Variants in SUGCT observed in about 807,000 individuals in gnomAD.
SUGCT encodes the protein succinyl-CoA:glutarate-CoA transferase.
Under a neutral mutation model 55.0 loss-of-function variants are expected in SUGCT, and 41 were observed. The observed-to-expected ratio is 0.74, with a 90% CI of 0.58 to 0.97. The LOEUF is 0.97. Ranked by LOEUF, SUGCT falls within the 50% of genes least tolerant of loss-of-function variation. The pLI, the probability that SUGCT is intolerant of heterozygous loss-of-function variation, is 0.00. For missense variants in SUGCT, 568 were observed against 547.8 expected (o/e 1.04, Z -0.37); for synonymous variants, 187 against 200.4 (o/e 0.93, Z 0.56).
chr7:40,633,411 A>G (rs1799882939), intron 12 of SUGCT, among the ~76,000 whole-genome samples: 2 of 152,218 alleles, frequency 1.3e-5, no homozygotes, highest in Non-Finnish European at 2.9e-5. Flanking sequence ...ATGGGCTTAC[A>G]CTGAAATGGG....
intron 8 of SUGCT, among the ~76,000 whole-genome samples, chr7:40,304,893 G>A (rs549957700): frequency 5.6e-4 from 85 of 152,138 alleles, no homozygotes; most frequent in African/African-American, 2.0e-3. Context: ...ACAAAATCCA[G>A]CATCCCTTTA....
intron 12 of SUGCT, among the ~76,000 whole-genome samples, chr7:40,611,201 T>C (rs1400202562): frequency 6.6e-6 from 1 of 152,228 alleles, no homozygotes. Context: ...ATATTTCATT[T>C]TCCAACACTG....
chr7:40,267,037 C>CAAA (rs71750843), intron 7 of SUGCT, among the ~76,000 whole-genome samples: 3 of 86,740 alleles, frequency 3.5e-5, no homozygotes, highest in African/African-American at 8.8e-5. Context: ...AACAAACAAA[C>CAAA]AAAAAAAAAA....
chr7:40,227,043 CTTTTTT>C (rs35073564), intron 6 of SUGCT, among the ~76,000 whole-genome samples: 1 of 96,226 alleles, frequency 1.0e-5, no homozygotes, highest in Admixed American at 1.5e-4. Context: ...TTTAATAGAT[CTTTTTT>C]TTTTTTTTTT....
chr7:40,925,915 GA>G, the SUGCT span, among the ~76,000 whole-genome samples: 3 of 151,988 alleles, frequency 2.0e-5, no homozygotes, highest in African/African-American at 7.3e-5. Context: ...GCAACATGGC[GA>G]AACTCCATCT....
At chr7:40,603,155 T>C (rs1379194034) in intron 12 of SUGCT, among the ~76,000 whole-genome samples, 1 of 152,224 alleles carries the variant, frequency 6.6e-6, no homozygotes, top group Non-Finnish European at 1.5e-5. Flanking sequence ...TTCAAAGAAA[T>C]GCAACCTGAG....
At chr7:40,800,349 C>T (rs564938634) in intron 13 of SUGCT, among the ~76,000 whole-genome samples, 240 of 149,238 alleles carry the variant, frequency 1.6e-3, no homozygotes, top group Middle Eastern at 6.9e-3. Flanking sequence ...AGTGCAATGG[C>T]GCAATCTCAG....
intron 7 of SUGCT, among the ~76,000 whole-genome samples, chr7:40,265,513 G>A (rs6462968): frequency 0.33 from 49,280 of 151,110 alleles, 11,001 homozygotes; most frequent in African/African-American, 0.64. Flanking sequence ...TTCTTTCCCT[G>A]TTTCATTTGG....
At chr7:40,955,539 A>T in the SUGCT span, among the ~76,000 whole-genome samples, 2 of 152,186 alleles carry the variant, frequency 1.3e-5, no homozygotes, top group African/African-American at 2.4e-5. Flanking sequence ...TTGGGCTGAG[A>T]TGATGGGGTT....
chr7:40,843,969 C>G (rs928619899), intron 13 of SUGCT, among the ~76,000 whole-genome samples: 2 of 152,064 alleles, frequency 1.3e-5, no homozygotes, highest in Admixed American at 6.5e-5. Context: ...CTCATTTACT[C>G]GGCCCGCAGC....
the SUGCT span, among the ~76,000 whole-genome samples, chr7:40,982,821 G>A: frequency 1.3e-5 from 2 of 152,066 alleles, no homozygotes; most frequent in South Asian, 2.1e-4. Flanking sequence ...CTAATTTTTT[G>A]TATTTTTAGT....
intron 12 of SUGCT, among the ~76,000 whole-genome samples, chr7:40,735,552 G>T (rs768286361): frequency 6.6e-6 from 1 of 152,102 alleles, no homozygotes; most frequent in Non-Finnish European, 1.5e-5. Context: ...ATACTCTTTA[G>T]CTTAGAACCT....
At chr7:40,853,346 C>T (rs1000395660) in intron 13 of SUGCT, among the ~76,000 whole-genome samples, 2 of 151,976 alleles carry the variant, frequency 1.3e-5, no homozygotes, top group South Asian at 4.2e-4. Context: ...AGAGCATGAG[C>T]CATGGAGTCT....
chr7:40,259,475 ATATAAG>A (rs573762349), intron 7 of SUGCT, among the ~76,000 whole-genome samples: 82 of 152,376 alleles, frequency 5.4e-4, no homozygotes, highest in Admixed American at 3.7e-3. Flanking sequence ...TCATAATAAA[ATATAAG>A]TATATGAAGT....
chr7:40,325,062 A>C (rs184121991), intron 9 of SUGCT, among the ~76,000 whole-genome samples: 1 of 152,220 alleles, frequency 6.6e-6, no homozygotes, highest in Non-Finnish European at 1.5e-5. Context: ...ATTATACTGT[A>C]TATTTAATTT....
chr7:41,017,398 G>T, the SUGCT span, among the ~76,000 whole-genome samples: 1 of 152,180 alleles, frequency 6.6e-6, no homozygotes, highest in African/African-American at 2.4e-5. Context: ...TTAAAAATCA[G>T]TTTCACACTT....
chr7:40,850,496 G>C lies in SUGCT; in HGVS notation c.1154-9820G>C, dbSNP rs544648635. Among the ~76,000 whole-genome samples, 8 of 152,244 alleles carry C rather than the reference G, an allele frequency of 5.3e-5. No homozygotes were observed. In the East Asian group the frequency reaches 1.5e-3, roughly 29 times the overall value. On this transcript the variant is annotated intron_variant, in intron 13 of 13. Coordinates refer to ENST00000335693, the MANE Select transcript of SUGCT (RefSeq NM_001193313.2). Reference sequence around the variant, plus strand: ...ACTTAACTAGTTAAAAGGTAAAAGGGTATAAAATGAATTTCTGGTACACGT... The same window carrying C: ...ACTTAACTAGTTAAAAGGTAAAAGGCTATAAAATGAATTTCTGGTACACGT...
intron 9 of SUGCT, among the ~76,000 whole-genome samples, chr7:40,331,662 T>C (rs1293152079): frequency 3.9e-5 from 6 of 152,154 alleles, no homozygotes; most frequent in African/African-American, 1.4e-4. Context: ...CTTGTTCCTA[T>C]AGGTTTTGTC....
intron 9 of SUGCT, among the ~76,000 whole-genome samples, chr7:40,368,205 T>C (rs1349606786): frequency 6.6e-6 from 1 of 152,174 alleles, no homozygotes; most frequent in Non-Finnish European, 1.5e-5. Flanking sequence ...GATTATTTAT[T>C]TATTTATTTT....
Sources: allele counts gnomAD v4.1 joint callset (sites outside exome capture counted in the v4.1 genomes callset), GRCh38; gene constraint gnomAD v4.1.1; transcripts MANE v1.5; gene names NCBI Gene and HGNC (gene_info 2026-07-23, HGNC 2026-07-21).